PCDHGA9: variants seen among roughly 807,000 people sequenced by gnomAD.
PCDHGA9 encodes the protein protocadherin gamma subfamily A, 9, also known as protocadherin gamma-A9.
Under a neutral mutation model 62.5 loss-of-function variants are expected in PCDHGA9, and 37 were observed. That is an observed-to-expected ratio of 0.59 (90% CI 0.46 to 0.78). The LOEUF (loss-of-function observed/expected upper bound fraction) is 0.78, where lower values mean the gene tolerates loss of function less well. Among genes scored for constraint, PCDHGA9 ranks in the 30% least tolerant of loss-of-function variants. The pLI, the probability that PCDHGA9 is intolerant of heterozygous loss-of-function variation, is 0.00. For missense variants in PCDHGA9, 1,138 were observed against 1,166.2 expected (o/e 0.98, Z 0.35); for synonymous variants, 459 against 484.6 (o/e 0.95, Z 0.69).
At chr5:141,497,719 T>C (rs1311566820) in intron 2 of PCDHGA9, among the ~76,000 whole-genome samples, 2 of 152,076 alleles carry the variant, frequency 1.3e-5, no homozygotes, top group Non-Finnish European at 2.9e-5. Context: ...TTTGTATTTT[T>C]AGTAGAGATG....
In PCDHGA9 at chr5:141,405,117, C is replaced by T. The variant is rs200108286; in HGVS notation, c.2165C>T (p.Ser722Leu). The change falls in exon 1 of 4, where the codon TCG (serine) becomes TTG (leucine). Residue 722 changes from serine to leucine, a missense_variant. By Grantham distance (145) the Ser-to-Leu change is moderately radical. Transcript: ENST00000573521. ...LALRLRHWHS[S>L]HLLRATSDGL... The stretch of plus-strand genomic sequence containing the variant: ...CTCAGGCTGAGGCACTGGCACTCCT[C>T]GCATCTGCTGCGGGCTACCAGTGAT... The T allele has an allele frequency of 5.6e-5, 90 of 1,613,980 alleles. No individual in the cohort carries two copies. In the East Asian group the frequency reaches 9.6e-4, roughly 17 times the overall value.
Position 141,476,990 on chromosome 5 carries a change from C to T in PCDHGA9, c.2425-17817C>T, listed in dbSNP as rs2099402882. ...CGGCAGCCACAACCGCGCCGGCGTGCGGCAACTATTCGCCTTAGACCTTGT... is the reference window on the plus strand; with the variant it reads ...CGGCAGCCACAACCGCGCCGGCGTGTGGCAACTATTCGCCTTAGACCTTGT... On this transcript the variant is annotated intron_variant, in intron 1 of 3. Coordinates refer to ENST00000573521, the MANE Select transcript of PCDHGA9 (RefSeq NM_018921.3). The surrounding 1 kb of genome is among the most constrained non-coding windows in gnomAD (Gnocchi z 7.6). 6.2e-7 allele frequency: 1 copy of T among 1,614,220 alleles called. No individual in the cohort carries two copies. The highest frequency in any genetic ancestry group is 8.5e-7 in the Non-Finnish European group (1 of 1,180,046).
chr5:141,409,474 C>T, intron 1 of PCDHGA9: 1 of 1,614,002 alleles, frequency 6.2e-7, no homozygotes, highest in Non-Finnish European at 8.5e-7. Flanking sequence ...CCATCGTAGC[C>T]ACTGACAGGG....
At chr5:141,475,132 T>C (rs563015610) in intron 1 of PCDHGA9, among the ~76,000 whole-genome samples, 14 of 152,322 alleles carry the variant, frequency 9.2e-5, no homozygotes, top group African/African-American at 2.6e-4. Context: ...TTTTTTCTTT[T>C]TGAAATCTTC....
At chr5:141,421,844 A>C (rs1261967247) in intron 1 of PCDHGA9, 2 of 1,613,740 alleles carry the variant, frequency 1.2e-6, no homozygotes, top group East Asian at 4.5e-5. Context: ...CGAGAGAAAG[A>C]GGCTGCTCAC....
At chr5:141,430,628 C>A in intron 1 of PCDHGA9, 2 of 798,952 alleles carry the variant, frequency 2.5e-6, no homozygotes, top group Non-Finnish European at 3.7e-6. Context: ...TAGGAATGAA[C>A]CATCCCTGGG....
chr5:141,415,112 T>G, intron 1 of PCDHGA9: 1 of 1,613,626 alleles, frequency 6.2e-7, no homozygotes, highest in Non-Finnish European at 8.5e-7. Flanking sequence ...AAGCAAAGCC[T>G]CGTAGTGGCC....
At chr5:141,503,335 G>A (rs111643076) in intron 2 of PCDHGA9, among the ~76,000 whole-genome samples, 108 of 152,220 alleles carry the variant, frequency 7.1e-4, no homozygotes, top group African/African-American at 2.4e-3. Context: ...GGTGGCTCAC[G>A]CCTGTAATTC....
Position 141,431,709 on chromosome 5 carries a change from T to G in PCDHGA9, c.2424+26333T>G, listed in dbSNP as rs1561854893. ...CACGAGGAGTCAGGATTCTACCAGA[T>G]GGAAGTGCAAGCAATGGATAATGCA... On this transcript the variant is annotated intron_variant, in intron 1 of 3. Coordinates refer to ENST00000573521, the MANE Select transcript of PCDHGA9 (RefSeq NM_018921.3). The surrounding 1 kb of genome is among the most constrained non-coding windows in gnomAD (Gnocchi z 4.8). The G allele has an allele frequency of 6.2e-7, 1 of 1,614,168 alleles. No individual in the cohort carries two copies. Among genetic ancestry groups the G allele is most frequent in the Middle Eastern group, 1.6e-4 (1 of 6,062 alleles).
Position 141,485,060 on chromosome 5 carries a change from G to T in PCDHGA9, c.2425-9747G>T. The T allele has an allele frequency of 1.2e-6, 1 of 862,304 alleles. No individual in the cohort carries two copies. 53.4% of individuals were successfully genotyped at this position (862,304 alleles called of 1,614,324 possible). ...ACCCTTGCGGCGCCGGCCGAACCGC[G>T]CCAGAGCTGGCGCGGGGAAAGGGAG... On this transcript the variant is annotated intron_variant, in intron 1 of 3. Coordinates refer to ENST00000573521, the MANE Select transcript of PCDHGA9 (RefSeq NM_018921.3). The surrounding 1 kb of genome is among the most constrained non-coding windows in gnomAD (Gnocchi z 5.7).
chr5:141,504,434 A>C (rs2099838201), intron 2 of PCDHGA9, among the ~76,000 whole-genome samples: 1 of 152,234 alleles, frequency 6.6e-6, no homozygotes, highest in South Asian at 2.1e-4. Flanking sequence ...CAACAGCTGC[A>C]GTGTGACTAG....
In PCDHGA9 at chr5:141,404,211, T is replaced by C. The variant is rs1423741415; in HGVS notation, c.1259T>C (p.Ile420Thr). ...CGAGAAAAAGCCTCAGAATATAATATCACGGTGACTGCAACAGACAGAGGA... is the reference window on the plus strand; with the variant it reads ...CGAGAAAAAGCCTCAGAATATAATACCACGGTGACTGCAACAGACAGAGGA... Reference protein sequence around the residue: ...LDREKASEYNITVTATDRGTP... With the variant: ...LDREKASEYNTTVTATDRGTP... Residue 420 changes from isoleucine (I) to threonine (T), a missense_variant, in exon 1 of 4, where the codon ATC becomes ACC. Coordinates refer to ENST00000573521, the MANE Select transcript of PCDHGA9 (RefSeq NM_018921.3). 3 of 1,613,606 alleles carry C rather than the reference T, an allele frequency of 1.9e-6. No homozygotes were observed. The Admixed American group carries it at 5.0e-5, about 27-fold the overall frequency.
chr5:141,419,846 G>T (rs1407937968), intron 1 of PCDHGA9: 2 of 1,614,066 alleles, frequency 1.2e-6, no homozygotes, highest in Non-Finnish European at 1.7e-6. Context: ...GCTGCACCTG[G>T]TGTTCGCAGA....
rs1040753474 is a variant in PCDHGA9 at position 141,511,446 on chromosome 5, G to T, written c.*273G>T. 3.1e-6 allele frequency: 2 copies of T among 654,526 alleles called. No individual in the cohort carries two copies. The highest frequency in any genetic ancestry group is 3.7e-5 in the African/African-American group (2 of 54,758). 40.5% of individuals were successfully genotyped at this position (654,526 alleles called of 1,614,324 possible). A position where few individuals can be genotyped will look rare whatever the true frequency, so the allele number is the denominator to read the frequency against. ...GTAGTGGGGTTACTGTAGACACCAA[G>T]AACCATTTGCCACACCCCGTTTAGT... On this transcript the variant is annotated 3_prime_UTR_variant, in exon 4 of 4. Transcript: ENST00000573521.
At position 141,431,035 on chromosome 5, in the gene PCDHGA9, G is replaced by C; in HGVS notation, c.2424+25659G>C. The C allele has an allele frequency of 6.2e-7, 1 of 1,614,186 alleles. No individual in the cohort carries two copies. Among genetic ancestry groups the C allele is most frequent in the South Asian group, 1.1e-5 (1 of 91,086 alleles). ...TGGTCACGGCGGGCAGGATAGACCG[G>C]GAGGAGCTCTGTATGGGGGCCATCA... On this transcript the variant is annotated intron_variant, in intron 1 of 3. Transcript: ENST00000573521. The surrounding 1 kb of genome is among the most constrained non-coding windows in gnomAD (Gnocchi z 4.8).
chr5:141,420,401 A>G, intron 1 of PCDHGA9: 1 of 1,249,172 alleles, frequency 8.0e-7, no homozygotes. Flanking sequence ...GGTCAAATTT[A>G]TGGTTATCAT....
chr5:141,409,953 CCGG>C (rs1418234891), intron 1 of PCDHGA9: 2 of 1,613,280 alleles, frequency 1.2e-6, no homozygotes, highest in Non-Finnish European at 1.7e-6. Flanking sequence ...TCTGCAGAGC[CCGG>C]CTACCTAGTG....
Position 141,432,812 on chromosome 5 carries a change from G to A in PCDHGA9, c.2424+27436G>A, listed in dbSNP as rs753429933. ...CAGCCTCGAGTCTCCAGCTAACTCT[G>A]AAACCTCAGACCTCACTCTGTACCT... On this transcript the variant is annotated intron_variant, in intron 1 of 3. Coordinates refer to ENST00000573521, the MANE Select transcript of PCDHGA9 (RefSeq NM_018921.3). This position sits in a 1 kb window ranked among gnomAD's most constrained non-coding sequence, Gnocchi z 6.0. 1.2e-6 allele frequency: 2 copies of A among 1,614,176 alleles called. No homozygotes were observed. Among genetic ancestry groups the A allele is most frequent in the Non-Finnish European group, 1.7e-6 (2 of 1,180,014 alleles).
chr5:141,494,729 C>T (rs2099756368), intron 1 of PCDHGA9, 78 bp from the exon 2 acceptor site: 31 of 1,610,050 alleles, frequency 1.9e-5, no homozygotes, highest in Admixed American at 3.3e-5. Flanking sequence ...CCTTCTCTCC[C>T]GGCCCATCCC....
Sources: allele counts gnomAD v4.1 joint callset (sites outside exome capture counted in the v4.1 genomes callset), GRCh38; gene constraint gnomAD v4.1.1; non-coding constraint Gnocchi (gnomAD v3.1); transcripts MANE v1.5; gene names NCBI Gene and HGNC (gene_info 2026-07-23, HGNC 2026-07-21).